PPP1CB: variants seen among roughly 807,000 people sequenced by gnomAD.
PPP1CB encodes the protein protein phosphatase 1 catalytic subunit beta.
Under a neutral mutation model 43.7 loss-of-function variants are expected in PPP1CB, and 2 were observed. The ratio of observed to expected loss-of-function variants is 0.05; its 90% confidence interval spans 0.02 to 0.14. PPP1CB has a LOEUF of 0.14. Ranked by LOEUF, PPP1CB falls within the 10% of genes least tolerant of loss-of-function variation. The probability of loss-of-function intolerance (pLI) is 1.00; values close to 1 mark genes in which losing one functional copy is unlikely to be tolerated. For synonymous variants in PPP1CB, 136 were observed against 135.6 expected, an observed-to-expected ratio of 1.00 and a Z score of -0.02; for missense variants, 84 against 398.0, an observed-to-expected ratio of 0.21 and a Z score of 6.71.
intron 4 of PPP1CB, among the ~76,000 whole-genome samples, chr2:28,783,656 C>T (rs1667201983): frequency 6.6e-6 from 1 of 151,728 alleles, no homozygotes; most frequent in Non-Finnish European, 1.5e-5. Context: ...ACTCGGGAGA[C>T]TGAGGCAGGA....
intron 1 of PPP1CB, among the ~76,000 whole-genome samples, chr2:28,773,054 A>G (rs1440991654): frequency 6.6e-6 from 1 of 152,204 alleles, no homozygotes; most frequent in Non-Finnish European, 1.5e-5. Context: ...CATTACTGTC[A>G]TTAGTTAGGG....
At chr2:28,755,532 T>G (rs77011205) in intron 1 of PPP1CB, among the ~76,000 whole-genome samples, 14,300 of 152,322 alleles carry the variant, frequency 0.094, 961 homozygotes, top group Middle Eastern at 0.2. Flanking sequence ...GTTGGCCACA[T>G]TCTTGTGGCT....
At chr2:28,795,267 T>G (rs981828427) in intron 7 of PPP1CB, among the ~76,000 whole-genome samples, 46 of 152,354 alleles carry the variant, frequency 3.0e-4, no homozygotes, top group African/African-American at 1.1e-3. Flanking sequence ...CTAGGTTGAT[T>G]ACATGTCTTT....
At chr2:28,760,994 G>A (rs1666631298) in intron 1 of PPP1CB, among the ~76,000 whole-genome samples, 5 of 152,106 alleles carry the variant, frequency 3.3e-5, no homozygotes. Flanking sequence ...TCCGCCTCCT[G>A]GGTTCTAGCG....
chr2:28,783,379 C>T (rs1667194669), intron 4 of PPP1CB, among the ~76,000 whole-genome samples: 1 of 151,504 alleles, frequency 6.6e-6, no homozygotes, highest in African/African-American at 2.4e-5. Context: ...ATTTCATTTC[C>T]CTGGTAGGGA....
chr2:28,784,149 T>C (rs1293646301), intron 5 of PPP1CB, among the ~76,000 whole-genome samples, 171 bp downstream of exon 5: 1 of 152,248 alleles, frequency 6.6e-6, no homozygotes, highest in Non-Finnish European at 1.5e-5. Context: ...TTTTTCACTT[T>C]GCACTGATCC....
At chr2:28,769,258 G>A (rs1422872743) in intron 1 of PPP1CB, among the ~76,000 whole-genome samples, 4 of 152,164 alleles carry the variant, frequency 2.6e-5, no homozygotes, top group African/African-American at 7.2e-5. Context: ...ATTTTGAGAT[G>A]GAGTTTTGCT....
In PPP1CB at chr2:28,801,087, C is replaced by T. The variant is rs564963458; in HGVS notation, c.*1784C>T. The T allele has an allele frequency of 1.3e-5, 2 of 152,296 alleles. No homozygotes were observed. Among genetic ancestry groups the T allele is most frequent in the African/African-American group, 4.8e-5 (2 of 41,470 alleles). The allele number at this position is 152,296 out of a possible 1,614,324, so 9.4% of individuals were successfully genotyped here. Reference sequence around the variant, plus strand: ...TTCCTTACAGTGAGACATTTAAGCACACATTTTATTCACATAGATACTATG... The same window carrying T: ...TTCCTTACAGTGAGACATTTAAGCATACATTTTATTCACATAGATACTATG... On this transcript the variant is annotated 3_prime_UTR_variant, in exon 8 of 8. Transcript: ENST00000395366.
At chr2:28,792,932 A>G (rs1667417303) in intron 6 of PPP1CB, among the ~76,000 whole-genome samples, 2 of 152,214 alleles carry the variant, frequency 1.3e-5, no homozygotes, top group South Asian at 4.1e-4. Context: ...AAGGCCAGGC[A>G]CGGTGGCTCA....
rs971238944 is a variant in PPP1CB, at chr2:28,801,615, C to G, written c.*2312C>G. The G allele has an allele frequency of 6.6e-6, 1 of 152,060 alleles. No homozygotes were observed. The highest frequency in any genetic ancestry group is 1.5e-5 in the Non-Finnish European group (1 of 67,988). 9.4% of individuals were successfully genotyped at this position (152,060 alleles called of 1,614,324 possible). A position where few individuals can be genotyped will look rare whatever the true frequency, so the allele number is the denominator to read the frequency against. ...CTTTACAAATATTTGCTTGGCAACA[C>G]GACTTGAAATAAATAAAACTTTGTT... On this transcript the variant is annotated 3_prime_UTR_variant, in exon 8 of 8. Coordinates refer to ENST00000395366, the MANE Select transcript of PPP1CB (RefSeq NM_002709.3).
At chr2:28,771,127 C>T (rs1666903477) in intron 1 of PPP1CB, among the ~76,000 whole-genome samples, 1 of 141,086 alleles carries the variant, frequency 7.1e-6, no homozygotes. Flanking sequence ...GATCGTGGCT[C>T]ACTGCCACCT....
intron 1 of PPP1CB, among the ~76,000 whole-genome samples, chr2:28,773,740 C>G (rs955471810): frequency 6.6e-6 from 1 of 152,146 alleles, no homozygotes; most frequent in Admixed American, 6.5e-5. Flanking sequence ...TGGGATTGCC[C>G]TGGGACATCT....
Position 28,799,414 on chromosome 2 carries a change from CCTTTAA to C in PPP1CB, c.*115_*120del. On this transcript the variant is annotated 3_prime_UTR_variant, in exon 8 of 8. Coordinates refer to ENST00000395366, the MANE Select transcript of PPP1CB (RefSeq NM_002709.3). ...ATTTGACACCCTTTATGATGTCACA[CCTTTAA>C]CTTAAGGAGACGGGTAAAGGATCTT... 1.3e-6 allele frequency: 1 copy of C among 793,654 alleles called. No individual in the cohort carries two copies. The allele number at this position is 793,654 out of a possible 1,614,324, so 49.2% of individuals were successfully genotyped here. A position where few individuals can be genotyped will look rare whatever the true frequency, so the allele number is the denominator to read the frequency against.
At chr2:28,759,742 T>TG (rs1175916319) in intron 1 of PPP1CB, among the ~76,000 whole-genome samples, 1 of 151,538 alleles carries the variant, frequency 6.6e-6, no homozygotes, top group African/African-American at 2.4e-5. Context: ...CTCAGCCTCC[T>TG]GAGTAGCTGG....
chr2:28,755,338 C>T (rs1482705629), intron 1 of PPP1CB, among the ~76,000 whole-genome samples: 2 of 152,176 alleles, frequency 1.3e-5, no homozygotes, highest in Non-Finnish European at 2.9e-5. Flanking sequence ...CCGCGCCTGA[C>T]CTTGATATGA....
intron 1 of PPP1CB, among the ~76,000 whole-genome samples, chr2:28,764,748 C>T (rs536776752): frequency 3.8e-4 from 58 of 151,784 alleles, no homozygotes; most frequent in Non-Finnish European, 7.1e-4. Context: ...GGCGAAACCC[C>T]GTCTCTACTA....
At chr2:28,770,489 C>T (rs1428879726) in intron 1 of PPP1CB, among the ~76,000 whole-genome samples, 1 of 151,192 alleles carries the variant, frequency 6.6e-6, no homozygotes, top group Admixed American at 6.6e-5. Context: ...CCAGAAATAA[C>T]ACTAGAGGTA....
In PPP1CB at chr2:28,793,391, G is replaced by A. The variant is rs567204343; in HGVS notation, c.745-472G>A. Reference sequence around the variant, plus strand: ...CAAGAAGTAAGCTCTTCGCAAAGTCGTTCATTGTCTGGTTGTTGCTCATTT... The same window carrying A: ...CAAGAAGTAAGCTCTTCGCAAAGTCATTCATTGTCTGGTTGTTGCTCATTT... On this transcript the variant is annotated intron_variant, in intron 6 of 7. Transcript: ENST00000395366. Among the ~76,000 whole-genome samples, 7 of 123,100 alleles carry A rather than the reference G, an allele frequency of 5.7e-5. No homozygotes were observed. The South Asian group carries it at 7.7e-4, about 14-fold the overall frequency. 80.8% of individuals were successfully genotyped at this position (123,100 alleles called of 152,430 possible).
chr2:28,794,032 A>G, intron 7 of PPP1CB, 35 bp downstream of exon 7: 1 of 1,517,220 alleles, frequency 6.6e-7, no homozygotes, highest in East Asian at 2.3e-5. Flanking sequence ...AGAACTAGAA[A>G]TCTAATAAAA....
Sources: allele counts gnomAD v4.1 joint callset (sites outside exome capture counted in the v4.1 genomes callset), GRCh38; gene constraint gnomAD v4.1.1; transcripts MANE v1.5; gene names NCBI Gene and HGNC (gene_info 2026-07-23, HGNC 2026-07-21).